Variants in NRF1 observed in about 807,000 individuals in gnomAD.
NRF1 encodes the protein alpha palindromic-binding protein.
A neutral mutation model predicts 58.5 loss-of-function variants in NRF1; 5 were observed. That is an observed-to-expected ratio of 0.09 (90% confidence interval 0.04 to 0.18). NRF1 has a LOEUF of 0.18. NRF1 is among the 10% of genes least tolerant of loss of function. NRF1 has a pLI of 1.00. For synonymous variants in NRF1, 224 were observed against 246.7 expected, an observed-to-expected ratio of 0.91 and a Z score of 0.86; for missense variants, 288 against 657.7, an observed-to-expected ratio of 0.44 and a Z score of 6.15.
intron 4 of NRF1, among the ~76,000 whole-genome samples, chr7:129,682,317 G>C (rs4527810): frequency 1.3e-5 from 2 of 151,958 alleles, no homozygotes; most frequent in Non-Finnish European, 2.9e-5. Flanking sequence ...AAATTAGCCA[G>C]ATGTGGTAGC....
chr7:129,727,532 A>G (rs1172240669), intron 10 of NRF1, among the ~76,000 whole-genome samples, 167 bp downstream of exon 10: 1 of 151,962 alleles, frequency 6.6e-6, no homozygotes, highest in Non-Finnish European at 1.5e-5. Context: ...GATTCCTTTC[A>G]CTAGTAGGAA....
intron 10 of NRF1, among the ~76,000 whole-genome samples, chr7:129,734,774 G>A (rs187417584): frequency 5.3e-5 from 8 of 152,300 alleles, no homozygotes; most frequent in South Asian, 4.1e-4. Context: ...GGTGGGCTAC[G>A]GGTGCTATTT....
intron 1 of NRF1, among the ~76,000 whole-genome samples, chr7:129,655,419 G>A (rs535478489): frequency 5.3e-5 from 8 of 151,876 alleles, no homozygotes; most frequent in Non-Finnish European, 8.8e-5. Context: ...CCCAATCAGG[G>A]TACCCTTTAT....
At chr7:129,744,150 TAA>T in intron 10 of NRF1, 1 of 1,463,326 alleles carries the variant, frequency 6.8e-7, no homozygotes, top group Non-Finnish European at 9.1e-7. Context: ...TTTTTTTTTT[TAA>T]CAGTTCTGTG....
chr7:129,660,729 A>G (rs1030126139), intron 2 of NRF1, among the ~76,000 whole-genome samples: 2 of 150,394 alleles, frequency 1.3e-5, no homozygotes, highest in Non-Finnish European at 2.9e-5. Flanking sequence ...AGCTGCTTTC[A>G]TGGGCTGTTG....
intron 4 of NRF1, among the ~76,000 whole-genome samples, chr7:129,682,173 A>G (rs988474758): frequency 2.0e-5 from 3 of 151,368 alleles, no homozygotes; most frequent in African/African-American, 7.3e-5. Flanking sequence ...GTTAAAACCC[A>G]CCATGGGGGG....
intron 1 of NRF1, among the ~76,000 whole-genome samples, chr7:129,615,943 A>G (rs1446372065): frequency 2.6e-5 from 4 of 152,234 alleles, no homozygotes; most frequent in Non-Finnish European, 5.9e-5. Context: ...AGCAACAACA[A>G]TGCTTTGTTT....
At position 129,674,134 on chromosome 7, in the gene NRF1, CCA is replaced by C. The variant is rs2151084790; in HGVS notation, c.338+2592_338+2593del. ...TTAGCCTAGGCGACAGAGTGAAACT[CCA>C]TCTAAAAAAAAAAAAAAGCTGTTTT... is the stretch of plus-strand genomic sequence containing the variant. On this transcript the variant is annotated intron_variant, in intron 3 of 10. Transcript: ENST00000393232. Among the ~76,000 whole-genome samples, 4 of 151,106 alleles carry C rather than the reference CCA, an allele frequency of 2.6e-5. No individual in the cohort carries two copies. In the South Asian group the frequency reaches 8.3e-4, roughly 31 times the overall value.
chr7:129,628,180 A>T (rs1800963810), intron 1 of NRF1, among the ~76,000 whole-genome samples: 1 of 150,610 alleles, frequency 6.6e-6, no homozygotes, highest in Non-Finnish European at 1.5e-5. Context: ...AGTAGCTGGG[A>T]CTACAGGTGC....
intron 10 of NRF1, among the ~76,000 whole-genome samples, chr7:129,729,872 C>A (rs974294669): frequency 2.6e-5 from 4 of 152,162 alleles, no homozygotes; most frequent in Non-Finnish European, 5.9e-5. Flanking sequence ...GAGTCTTGCT[C>A]TGTCACCCAG....
Position 129,614,143 on chromosome 7 carries a change from TCTCA to T in NRF1, c.-7+2323_-7+2326del, listed in dbSNP as rs377602287. The stretch of plus-strand genomic sequence containing the variant: ...TTTCTTTTTCTTTTCTTAGACGGAG[TCTCA>T]CTCTGTCACCCAGGCTGGAGTGCAG... On this transcript the variant is annotated intron_variant, in intron 1 of 10. Transcript: ENST00000393232. Among the ~76,000 whole-genome samples, 46 of 152,188 alleles carry T rather than the reference TCTCA, an allele frequency of 3.0e-4. 1 individual carries two copies. In the East Asian group the frequency reaches 8.1e-3, roughly 27 times the overall value.
At chr7:129,630,441 G>C (rs1402241915) in intron 1 of NRF1, among the ~76,000 whole-genome samples, 2 of 152,120 alleles carry the variant, frequency 1.3e-5, no homozygotes, top group Non-Finnish European at 2.9e-5. Flanking sequence ...GATCTGATCT[G>C]AAAAGCAAAC....
At chr7:129,737,335 TA>T (rs1803739912) in intron 10 of NRF1, among the ~76,000 whole-genome samples, 2 of 152,226 alleles carry the variant, frequency 1.3e-5, no homozygotes, top group Admixed American at 6.5e-5. Context: ...CTTCTGCACA[TA>T]GTTTGCGGTC....
chr7:129,653,628 G>A (rs926278241), intron 1 of NRF1, among the ~76,000 whole-genome samples: 4 of 151,982 alleles, frequency 2.6e-5, no homozygotes, highest in Admixed American at 2.0e-4. Flanking sequence ...AAAATGCTCC[G>A]CCTGTTCATC....
chr7:129,637,874 T>G (rs570514628), intron 1 of NRF1, among the ~76,000 whole-genome samples: 10 of 145,406 alleles, frequency 6.9e-5, no homozygotes, highest in Non-Finnish European at 1.2e-4. Context: ...TTATTTTTTG[T>G]TTTTTTTTTT....
In NRF1 at chr7:129,682,631, A is replaced by T. The variant is rs1221864852; in HGVS notation, c.465+4873A>T. 2.7e-4 allele frequency among the ~76,000 whole-genome samples: 26 copies of T among 95,968 alleles called. No homozygotes were observed. In the East Asian group the frequency reaches 6.1e-3, roughly 22 times the overall value. 63.0% of individuals were successfully genotyped at this position (95,968 alleles called of 152,430 possible). On this transcript the variant is annotated intron_variant, in intron 4 of 10. Coordinates refer to ENST00000393232, the MANE Select transcript of NRF1 (RefSeq NM_005011.5). Reference sequence around the variant, plus strand: ...AGACCCTGTCTCTGCAAAAAAATGTAAAAAAAAAAAAAAAAAAAAAAGGAT... The same window carrying T: ...AGACCCTGTCTCTGCAAAAAAATGTTAAAAAAAAAAAAAAAAAAAAAGGAT...
chr7:129,689,978 T>C (rs1330591413), intron 4 of NRF1, among the ~76,000 whole-genome samples: 1 of 152,238 alleles, frequency 6.6e-6, no homozygotes, highest in Non-Finnish European at 1.5e-5. Flanking sequence ...TTGGTTACTT[T>C]AAGTTTTAGA....
At chr7:129,684,375 G>C (rs946567128) in intron 4 of NRF1, among the ~76,000 whole-genome samples, 6 of 152,198 alleles carry the variant, frequency 3.9e-5, no homozygotes, top group African/African-American at 1.4e-4. Flanking sequence ...TATTAGTTCT[G>C]TTCTTGCAAG....
At chr7:129,636,234 G>GT (rs1215814011) in intron 1 of NRF1, among the ~76,000 whole-genome samples, 17 of 151,902 alleles carry the variant, frequency 1.1e-4, no homozygotes, top group Non-Finnish European at 1.8e-4. Flanking sequence ...TGGATTGTGG[G>GT]TTTTTTTCCT....
Sources: allele counts gnomAD v4.1 joint callset (sites outside exome capture counted in the v4.1 genomes callset), GRCh38; gene constraint gnomAD v4.1.1; transcripts MANE v1.5; gene names NCBI Gene and HGNC (gene_info 2026-07-23, HGNC 2026-07-21).